The following RNF144A variants were observed in gnomAD, a reference collection of about 807,000 sequenced individuals.
RNF144A encodes E3 ubiquitin-protein ligase RNF144A.
RNF144A carries 11 observed loss-of-function variants against 38.7 expected under a neutral mutation model. That is an observed-to-expected ratio of 0.28 (90% CI 0.18 to 0.47). The LOEUF (loss-of-function observed/expected upper bound fraction) is 0.47. RNF144A is among the 20% of genes least tolerant of loss of function. The pLI is 0.99. For missense variants in RNF144A, 316 were observed against 377.2 expected (o/e 0.84, Z 1.34); for synonymous variants, 149 against 143.9 (o/e 1.04, Z -0.25).
At chr2:6,919,022 G>A (rs1664359677) in intron 1 of RNF144A, among the ~76,000 whole-genome samples, 3 of 152,224 alleles carry the variant, frequency 2.0e-5, no homozygotes, top group Non-Finnish European at 4.4e-5. Flanking sequence ...AGTTGAGCCT[G>A]GCAGATAAGA....
rs192392831 is a variant in RNF144A at position 7,024,353 on chromosome 2, G to A, written c.510-16G>A. 825 of 1,591,424 alleles carry A rather than the reference G, an allele frequency of 5.2e-4. 3 individuals are homozygous for A. The African/African-American group carries it at 8.8e-3, about 17-fold the overall frequency. ...GGATCCGTTTGTGCAGAGTCCTCAC[G>A]GCGTTTCTCCCACAGTGCTGCTTTC... On this transcript the variant is annotated splice_polypyrimidine_tract_variant and intron_variant, in intron 6 of 8. Transcript: ENST00000320892.
At chr2:6,970,676 G>T (rs754585329) in intron 2 of RNF144A, among the ~76,000 whole-genome samples, 5 of 152,166 alleles carry the variant, frequency 3.3e-5, no homozygotes, top group African/African-American at 4.8e-5. Flanking sequence ...ACTTGCCCAG[G>T]TCCCTTCAGA....
At position 6,944,202 on chromosome 2, in the gene RNF144A, T is replaced by C. The variant is rs537362691; in HGVS notation, c.-12+3055T>C. Among the ~76,000 whole-genome samples, 8 of 152,066 alleles carry C rather than the reference T, an allele frequency of 5.3e-5. No homozygotes were observed. The South Asian group carries it at 1.7e-3, about 32-fold the overall frequency. ...GGAGATGCGGGAGGAGGCCGGGCACTATGGGCCTGGGGTGATGGAGAAAGG... is the reference window on the plus strand; with the variant it reads ...GGAGATGCGGGAGGAGGCCGGGCACCATGGGCCTGGGGTGATGGAGAAAGG... On this transcript the variant is annotated intron_variant, in intron 2 of 8. Coordinates refer to ENST00000320892, the MANE Select transcript of RNF144A (RefSeq NM_014746.6). This position sits in a 1 kb window ranked among gnomAD's most constrained non-coding sequence, Gnocchi z 4.7.
chr2:7,014,610 C>A, intron 4 of RNF144A, 52 bp downstream of exon 4: 2 of 1,520,860 alleles, frequency 1.3e-6, no homozygotes, highest in Non-Finnish European at 1.8e-6. Context: ...GCGTGCACTG[C>A]TGAACTTGTC....
At chr2:7,055,639 C>G (rs544454120) in intron 6 of RNF144A, among the ~76,000 whole-genome samples, 1 of 152,204 alleles carries the variant, frequency 6.6e-6, no homozygotes, top group African/African-American at 2.4e-5. Context: ...TAGGCTACTG[C>G]ACAGGTGAGT....
At chr2:6,974,272 C>G (rs1223560802) in intron 2 of RNF144A, among the ~76,000 whole-genome samples, 2 of 152,186 alleles carry the variant, frequency 1.3e-5, no homozygotes, top group Non-Finnish European at 2.9e-5. Context: ...GTGCCACATG[C>G]ATTCTAGTTT....
chr2:7,017,678 C>A (rs1482146881), intron 5 of RNF144A, among the ~76,000 whole-genome samples: 1 of 152,198 alleles, frequency 6.6e-6, no homozygotes, highest in Non-Finnish European at 1.5e-5. Flanking sequence ...ACATTAGTTT[C>A]CTCTAGTGTG....
intron 6 of RNF144A, among the ~76,000 whole-genome samples, chr2:7,061,749 C>T (rs917871894): frequency 2.6e-5 from 4 of 152,086 alleles, no homozygotes; most frequent in African/African-American, 9.7e-5. Context: ...TTACTCAACA[C>T]AAGAATGAGA....
At chr2:6,982,465 G>T (rs957929860) in intron 2 of RNF144A, among the ~76,000 whole-genome samples, 1 of 152,088 alleles carries the variant, frequency 6.6e-6, no homozygotes, top group Non-Finnish European at 1.5e-5. Flanking sequence ...TTTCTTCCTA[G>T]ATAACTAGGC....
At position 7,007,520 on chromosome 2, in the gene RNF144A, A is replaced by G. The variant is rs573585540; in HGVS notation, c.136-6934A>G. 1.3e-3 allele frequency among the ~76,000 whole-genome samples: 197 copies of G among 152,286 alleles called. 1 individual carries two copies. Among genetic ancestry groups the G allele is most frequent in the African/African-American group, 4.6e-3 (192 of 41,560 alleles). ...TCACAGACACACTCATTTCACCTCCATTAAGAGTCTGACCCAGGGATCATC... is the reference window on the plus strand; with the variant it reads ...TCACAGACACACTCATTTCACCTCCGTTAAGAGTCTGACCCAGGGATCATC... On this transcript the variant is annotated intron_variant, in intron 3 of 8. Coordinates refer to ENST00000320892, the MANE Select transcript of RNF144A (RefSeq NM_014746.6).
In RNF144A at chr2:6,944,953, C is replaced by A. The variant is rs1295283501; in HGVS notation, c.-12+3806C>A. 6.6e-6 allele frequency among the ~76,000 whole-genome samples: 1 copy of A among 152,252 alleles called. No homozygotes were observed. The highest frequency in any genetic ancestry group is 1.9e-4 in the East Asian group (1 of 5,202). ...TCATGGACTATAAAGCAGCCTCAAT[C>A]CAGCCTTCAATGATTGAAGTAGCTA... On this transcript the variant is annotated intron_variant, in intron 2 of 8. Coordinates refer to ENST00000320892, the MANE Select transcript of RNF144A (RefSeq NM_014746.6). This position sits in a 1 kb window ranked among gnomAD's most constrained non-coding sequence, Gnocchi z 4.7.
At chr2:7,051,161 G>A (rs561188208) in intron 6 of RNF144A, among the ~76,000 whole-genome samples, 13 of 152,280 alleles carry the variant, frequency 8.5e-5, no homozygotes, top group African/African-American at 2.9e-4. Context: ...TGGAGGAGAC[G>A]GAATTGGGGT....
intron 1 of RNF144A, among the ~76,000 whole-genome samples, chr2:6,926,525 A>T (rs1664879830): frequency 6.6e-6 from 1 of 152,184 alleles, no homozygotes; most frequent in Non-Finnish European, 1.5e-5. Flanking sequence ...GCCCAGAGCC[A>T]TATGCATGCG....
intron 5 of RNF144A, among the ~76,000 whole-genome samples, chr2:7,019,718 T>C (rs543654719): frequency 6.6e-6 from 1 of 152,240 alleles, no homozygotes; most frequent in Non-Finnish European, 1.5e-5. Flanking sequence ...CAGCCAATAA[T>C]TTAAAGAAAT....
intron 1 of RNF144A, among the ~76,000 whole-genome samples, chr2:6,924,396 C>T (rs1221285343): frequency 6.6e-6 from 1 of 152,244 alleles, no homozygotes; most frequent in East Asian, 1.9e-4. Flanking sequence ...TGGTTAGAAC[C>T]AAGCGCCTGA....
At chr2:7,034,834 A>G (rs1406699184) in intron 8 of RNF144A, among the ~76,000 whole-genome samples, 9 of 152,172 alleles carry the variant, frequency 5.9e-5, no homozygotes, top group Admixed American at 5.9e-4. Flanking sequence ...ACAGAATGGG[A>G]CACTCTGGGG....
chr2:6,989,942 TAC>T (rs1437254837), intron 2 of RNF144A, among the ~76,000 whole-genome samples: 1 of 152,152 alleles, frequency 6.6e-6, no homozygotes, highest in Non-Finnish European at 1.5e-5. Flanking sequence ...GAACAGATAA[TAC>T]AGAGTTTCCA....
chr2:6,998,570 A>G (rs542083828), intron 3 of RNF144A, among the ~76,000 whole-genome samples: 3 of 152,352 alleles, frequency 2.0e-5, no homozygotes, highest in South Asian at 4.1e-4. Context: ...AATCTCACAG[A>G]TTGAAATGAA....
downstream of RNF144A, among the ~76,000 whole-genome samples, chr2:7,045,571 C>A (rs1439033704): frequency 6.6e-6 from 1 of 152,172 alleles, no homozygotes; most frequent in Non-Finnish European, 1.5e-5. Context: ...CATCTAAGGG[C>A]AAAGTCATAT....
Sources: allele counts gnomAD v4.1 joint callset (sites outside exome capture counted in the v4.1 genomes callset), GRCh38; gene constraint gnomAD v4.1.1; non-coding constraint Gnocchi (gnomAD v3.1); transcripts MANE v1.5; gene names NCBI Gene and HGNC (gene_info 2026-07-23, HGNC 2026-07-21).